Variants in PARD3B observed in about 807,000 individuals in gnomAD.
PARD3B encodes the protein par-3 family cell polarity regulator beta.
In PARD3B, 103 loss-of-function variants were observed where a neutral mutation model predicts 130.2. The ratio of observed to expected loss-of-function variants is 0.79; its 90% CI spans 0.67 to 0.93. The LOEUF is 0.93. Among genes scored for constraint, PARD3B ranks in the 40% least tolerant of loss-of-function variants. PARD3B has a pLI of 0.00. For synonymous variants in PARD3B, 583 were observed against 553.2 expected (o/e 1.05, Z -0.76); for missense variants, 1,609 against 1,499.2 (o/e 1.07, Z -1.21).
chr2:204,965,347 C>T, intron 3 of PARD3B, 24 bp downstream of exon 3: 3 of 1,603,510 alleles, frequency 1.9e-6, no homozygotes, highest in Non-Finnish European at 1.7e-6. Flanking sequence ...TTATGATATT[C>T]TTTTCACCTG....
chr2:204,597,669 C>G (rs1366173141), intron 1 of PARD3B, among the ~76,000 whole-genome samples: 1 of 152,118 alleles, frequency 6.6e-6, no homozygotes, highest in African/African-American at 2.4e-5. Context: ...CTCAAGTCTT[C>G]TGTTATTAGC....
rs1429121197 is a variant in PARD3B at position 205,265,983 on chromosome 2, C to G, written c.2185+20161C>G. On this transcript the variant is annotated intron_variant, in intron 16 of 22. Transcript: ENST00000406610. This position sits in a 1 kb window ranked among gnomAD's most constrained non-coding sequence, Gnocchi z 4.3. ...CATGCACATCCTATAAGGCATCAGT[C>G]AGAAGACTCATTAGAAACATCATAC... Among the ~76,000 whole-genome samples, 2 of 152,036 alleles carry G rather than the reference C, an allele frequency of 1.3e-5. No homozygotes were observed. The highest frequency in any genetic ancestry group is 2.9e-5 in the Non-Finnish European group (2 of 67,966).
At chr2:205,153,014 C>T (rs1024492029) in intron 10 of PARD3B, among the ~76,000 whole-genome samples, 11 of 152,320 alleles carry the variant, frequency 7.2e-5, no homozygotes, top group African/African-American at 2.2e-4. Context: ...ACACTCAGGA[C>T]GCTCAGCTGC....
rs2030885456 is a variant in PARD3B, at chr2:205,122,671, C to G, written c.1165+722C>G. The stretch of plus-strand genomic sequence containing the variant: ...AAATTCTGTGTTTTTCAAGACAACT[C>G]AAAAGAAACCAAGATCTTATAGATT... On this transcript the variant is annotated intron_variant, in intron 8 of 22. Transcript: ENST00000406610. This position sits in a 1 kb window ranked among gnomAD's most constrained non-coding sequence, Gnocchi z 4.3. Among the ~76,000 whole-genome samples, 1 of 152,082 alleles carries G rather than the reference C, an allele frequency of 6.6e-6. No individual in the cohort carries two copies. Among genetic ancestry groups the G allele is most frequent in the Admixed American group, 6.5e-5 (1 of 15,272 alleles).
intron 20 of PARD3B, among the ~76,000 whole-genome samples, chr2:205,489,127 ATCTT>A (rs2049565640): frequency 6.6e-6 from 1 of 152,112 alleles, no homozygotes; most frequent in Admixed American, 6.6e-5. Context: ...ATATTTTAAA[ATCTT>A]TCTTTTTTAA....
intron 16 of PARD3B, among the ~76,000 whole-genome samples, chr2:205,279,204 A>G (rs2041094286): frequency 6.6e-6 from 1 of 151,806 alleles, no homozygotes; most frequent in South Asian, 2.1e-4. Flanking sequence ...TTGCCAACAC[A>G]TCCTCTCCTT....
intron 2 of PARD3B, among the ~76,000 whole-genome samples, chr2:204,803,691 AT>A (rs2042659167): frequency 1.3e-5 from 2 of 152,208 alleles, no homozygotes; most frequent in African/African-American, 4.8e-5. Flanking sequence ...GTAACCTCAA[AT>A]CAAAAAACCT....
chr2:205,205,760 G>A (rs574750517), intron 15 of PARD3B, among the ~76,000 whole-genome samples: 35 of 152,260 alleles, frequency 2.3e-4, no homozygotes, highest in Non-Finnish European at 3.2e-4. Context: ...ATTGATTTGC[G>A]TATGTTGAAC....
intron 5 of PARD3B, among the ~76,000 whole-genome samples, chr2:205,111,155 ACTTAT>A (rs1470778642): frequency 3.9e-5 from 6 of 152,142 alleles, no homozygotes; most frequent in African/African-American, 9.6e-5. Context: ...AAATTTTATT[ACTTAT>A]CTTTATTAAA....
At chr2:205,236,489 G>A (rs569325518) in intron 15 of PARD3B, among the ~76,000 whole-genome samples, 4 of 152,042 alleles carry the variant, frequency 2.6e-5, no homozygotes, top group Non-Finnish European at 4.4e-5. Flanking sequence ...AGCCATCTAC[G>A]AGCCAAGGAG....
intron 20 of PARD3B, among the ~76,000 whole-genome samples, chr2:205,450,753 G>A (rs1440810176): frequency 6.6e-6 from 1 of 152,144 alleles, no homozygotes; most frequent in Non-Finnish European, 1.5e-5. Context: ...TGGGATTACA[G>A]GCATGAGCCA....
At chr2:205,430,365 C>T in intron 19 of PARD3B, among the ~76,000 whole-genome samples, 1 of 152,184 alleles carries the variant, frequency 6.6e-6, no homozygotes, top group Non-Finnish European at 1.5e-5. Context: ...TACTCCTCCT[C>T]AAAAATGTTG....
intron 2 of PARD3B, among the ~76,000 whole-genome samples, chr2:204,922,683 T>G (rs960413207): frequency 3.1e-5 from 2 of 64,694 alleles, no homozygotes; most frequent in Non-Finnish European, 6.8e-5. Flanking sequence ...AAAAATACAG[T>G]TTTTTTTTTT....
rs77840628 is a variant in PARD3B at position 204,595,202 on chromosome 2, A to G, written c.120+49083A>G. ...GCTTAAGAAGTCATCACCTTCTTCT[A>G]TGGTCTCCAAAGGAGAGCAAAGTCT... On this transcript the variant is annotated intron_variant, in intron 1 of 22. Transcript: ENST00000406610. Among the ~76,000 whole-genome samples, 1,303 of 152,280 alleles carry G rather than the reference A, an allele frequency of 8.6e-3. 53 individuals carry two copies. In the East Asian group the frequency reaches 0.12, roughly 14 times the overall value.
intron 21 of PARD3B, among the ~76,000 whole-genome samples, chr2:205,504,036 CTT>C (rs1491423518): frequency 6.6e-6 from 1 of 152,140 alleles, no homozygotes; most frequent in African/African-American, 2.4e-5. Context: ...TATCCTGAGA[CTT>C]TGCTGAAGTT....
chr2:205,030,659 C>T (rs1053639687), intron 3 of PARD3B, among the ~76,000 whole-genome samples: 2 of 152,020 alleles, frequency 1.3e-5, no homozygotes, highest in Non-Finnish European at 2.9e-5. Flanking sequence ...CTGTTTGATA[C>T]CATATGTTTG....
chr2:205,223,162 A>G (rs2038335128), intron 15 of PARD3B, among the ~76,000 whole-genome samples: 1 of 152,212 alleles, frequency 6.6e-6, no homozygotes, highest in African/African-American at 2.4e-5. Context: ...AAATGAGAAA[A>G]AAACAGGAAT....
chr2:205,042,808 T>C (rs1413890224), intron 3 of PARD3B, among the ~76,000 whole-genome samples: 2 of 151,900 alleles, frequency 1.3e-5, no homozygotes, highest in African/African-American at 4.8e-5. Flanking sequence ...CCATGACTGC[T>C]GATCTTAATA....
intron 16 of PARD3B, among the ~76,000 whole-genome samples, chr2:205,296,669 G>A (rs1253299726): frequency 6.8e-6 from 1 of 146,790 alleles, no homozygotes; most frequent in African/African-American, 2.6e-5. Flanking sequence ...GTGTATGTGT[G>A]TGTGTGTGTG....
Sources: allele counts gnomAD v4.1 joint callset (sites outside exome capture counted in the v4.1 genomes callset), GRCh38; gene constraint gnomAD v4.1.1; non-coding constraint Gnocchi (gnomAD v3.1); transcripts MANE v1.5; gene names NCBI Gene and HGNC (gene_info 2026-07-23, HGNC 2026-07-21).